The following MAGT1 variants were observed in gnomAD, a reference collection of about 807,000 sequenced individuals.
MAGT1 encodes dolichyl-diphosphooligosaccharide--protein glycosyltransferase subunit MAGT1.
Under a neutral mutation model 28.4 loss-of-function variants are expected in MAGT1, and 4 were observed. The ratio of observed to expected loss-of-function variants is 0.14; its 90% CI spans 0.07 to 0.32. The LOEUF is 0.32. Among genes scored for constraint, MAGT1 ranks in the 10% least tolerant of loss-of-function variants. MAGT1 has a pLI of 1.00. For synonymous variants in MAGT1, 89 were observed against 89.7 expected (o/e 0.99, Z 0.04); for missense variants, 193 against 264.5 (o/e 0.73, Z 1.88).
intron 1 of MAGT1, among the ~76,000 whole-genome samples, chrX:77,877,060 T>C (rs1293787049): frequency 1.5e-4 from 14 of 94,953 alleles, no homozygotes; most frequent in Non-Finnish European, 2.8e-4. Context: ...AAATAGATCA[T>C]ATACTTAACT....
rs781825261 is a variant in MAGT1, at chrX:77,826,424, T to G, written c.*2796A>C. 1 of 112,565 alleles carries G rather than the reference T, an allele frequency of 8.9e-6. No individual in the cohort carries two copies. Among genetic ancestry groups the G allele is most frequent in the African/African-American group, 3.2e-5 (1 of 31,018 alleles). 9.3% of individuals were successfully genotyped at this position (112,565 alleles called of 1,213,427 possible). A position where few individuals can be genotyped will look rare whatever the true frequency, so the allele number is the denominator to read the frequency against. ...GCAAACAGCCAGACATTTGGTTATCTTTGCCACTACAATGTGTCATTCTGA... is the reference window on the plus strand; with the variant it reads ...GCAAACAGCCAGACATTTGGTTATCGTTGCCACTACAATGTGTCATTCTGA... On this transcript the variant is annotated 3_prime_UTR_variant, in exon 10 of 10. Coordinates refer to ENST00000618282, the MANE Select transcript of MAGT1 (RefSeq NM_001367916.1).
chrX:77,861,520 C>T (rs1557216475), intron 3 of MAGT1, among the ~76,000 whole-genome samples: 1 of 111,803 alleles, frequency 8.9e-6, no homozygotes. Flanking sequence ...AATAGAATTA[C>T]CATATGATCT....
intron 3 of MAGT1, among the ~76,000 whole-genome samples, chrX:77,864,445 A>G (rs1287204021): frequency 1.8e-5 from 2 of 111,593 alleles, no homozygotes; most frequent in Admixed American, 1.9e-4. Context: ...TGTTCCCAAC[A>G]TATAGAAATG....
At position 77,827,062 on chromosome X, in the gene MAGT1, T is replaced by C. The variant is rs191895528; in HGVS notation, c.*2158A>G. ...GGCAGGTGGCAGTCATAGTATCTTT[T>C]TAATGTAATACTTGTAAGATTTCCT... On this transcript the variant is annotated 3_prime_UTR_variant, in exon 10 of 10. Coordinates refer to ENST00000618282, the MANE Select transcript of MAGT1 (RefSeq NM_001367916.1). 3.6e-5 allele frequency: 4 copies of C among 112,414 alleles called. No homozygotes were observed. In the East Asian group the frequency reaches 1.1e-3, roughly 31 times the overall value. 9.3% of individuals were successfully genotyped at this position (112,414 alleles called of 1,213,427 possible).
intron 7 of MAGT1, among the ~76,000 whole-genome samples, chrX:77,852,120 C>T (rs2076970173): frequency 9.0e-6 from 1 of 110,917 alleles, no homozygotes; most frequent in South Asian, 3.8e-4. Flanking sequence ...CCAGGCTGGT[C>T]TCGAACTCCT....
At chrX:77,830,730 T>C in intron 9 of MAGT1, 75 bp downstream of exon 9, 1 of 492,432 alleles carries the variant, frequency 2.0e-6, no homozygotes, top group Non-Finnish European at 3.3e-6. Context: ...AAAAGAAGGA[T>C]ATTATAAAGC....
At chrX:77,883,044 TTTATA>T (rs1393962752) in intron 1 of MAGT1, among the ~76,000 whole-genome samples, 3 of 100,944 alleles carry the variant, frequency 3.0e-5, no homozygotes, top group Non-Finnish European at 5.9e-5. Context: ...TTATATATAA[TTTATA>T]TTATATTAAT....
chrX:77,890,048 G>A (rs986638006), intron 1 of MAGT1, among the ~76,000 whole-genome samples: 35 of 111,743 alleles, frequency 3.1e-4, no homozygotes, highest in African/African-American at 1.0e-3. Context: ...TTCTGTGCTC[G>A]GCTTATTTCA....
chrX:77,886,855 T>C (rs1557219056), intron 1 of MAGT1, among the ~76,000 whole-genome samples: 1 of 111,458 alleles, frequency 9.0e-6, no homozygotes, highest in Non-Finnish European at 1.9e-5. Context: ...TAAATTTCTA[T>C]GGACAGCAAA....
Position 77,875,635 on chromosome X carries a change from A to C in MAGT1, c.103-38T>G, listed in dbSNP as rs782693022. On this transcript the variant is annotated intron_variant, in intron 1 of 9. Transcript: ENST00000618282. ...AAGTGAGCATGCTATTAATATACTC[A>C]ACTTGGCATTTAAAGTTCTTTTAAT... The C allele has an allele frequency of 4.9e-5, 57 of 1,155,040 alleles. 1 individual carries two copies. Among genetic ancestry groups the C allele is most frequent in the Admixed American group, 4.6e-4 (21 of 45,222 alleles).
intron 3 of MAGT1, 36 bp downstream of exon 3, chrX:77,870,772 C>T (rs1345189451): frequency 3.2e-6 from 3 of 931,303 alleles, no homozygotes; most frequent in Non-Finnish European, 4.7e-6. Context: ...TATATTTTAC[C>T]TATTTTTATA....
chrX:77,852,580 TAA>T (rs2076971446), intron 7 of MAGT1, among the ~76,000 whole-genome samples: 1 of 111,432 alleles, frequency 9.0e-6, no homozygotes, highest in South Asian at 3.8e-4. Context: ...AAAATATATT[TAA>T]GTTTCGTTTT....
chrX:77,881,602 T>C (rs1464261657), intron 1 of MAGT1, among the ~76,000 whole-genome samples: 1 of 110,796 alleles, frequency 9.0e-6, no homozygotes, highest in Non-Finnish European at 1.9e-5. Context: ...ACTCATCATT[T>C]TTTATGGCTG....
At chrX:77,850,748 A>G (rs2076965262) in intron 7 of MAGT1, among the ~76,000 whole-genome samples, 1 of 111,024 alleles carries the variant, frequency 9.0e-6, no homozygotes, top group African/African-American at 3.3e-5. Flanking sequence ...GTAAAATGAC[A>G]ATTTTCTAAT....
At chrX:77,846,845 T>C (rs782608627) in intron 7 of MAGT1, among the ~76,000 whole-genome samples, 3 of 111,889 alleles carry the variant, frequency 2.7e-5, no homozygotes, top group Non-Finnish European at 5.6e-5. Flanking sequence ...CTGTCCCTAC[T>C]GGGGGATGCC....
At chrX:77,856,905 T>A (rs782271705) in intron 4 of MAGT1, 32 bp from the exon 5 acceptor site, 1 of 1,152,394 alleles carries the variant, frequency 8.7e-7, no homozygotes, top group Admixed American at 2.3e-5. Flanking sequence ...CATGTTAAAG[T>A]ATAAAATTTT....
At chrX:77,873,806 A>G (rs1569548176) in intron 2 of MAGT1, among the ~76,000 whole-genome samples, 1 of 111,447 alleles carries the variant, frequency 9.0e-6, no homozygotes, top group Non-Finnish European at 1.9e-5. Flanking sequence ...TTCAAAATCT[A>G]CAATACATTA....
intron 8 of MAGT1, among the ~76,000 whole-genome samples, chrX:77,835,439 G>A (rs1392259264): frequency 9.0e-6 from 1 of 111,354 alleles, no homozygotes; most frequent in Non-Finnish European, 1.9e-5. Flanking sequence ...AAATGCTGGC[G>A]AGGATGTGGA....
rs1295905946 is a variant in MAGT1, at chrX:77,828,141, A to C, written c.*1079T>G. 1 of 110,278 alleles carries C rather than the reference A, an allele frequency of 9.1e-6. No homozygotes were observed. The highest frequency in any genetic ancestry group is 1.9e-5 in the Non-Finnish European group (1 of 52,764). 9.1% of individuals were successfully genotyped at this position (110,278 alleles called of 1,213,427 possible). ...ATTATAGGCATGAGCCACCAAGCCC[A>C]GCTAATTTTCATATTTTTAGTAGAG... On this transcript the variant is annotated 3_prime_UTR_variant, in exon 10 of 10. Coordinates refer to ENST00000618282, the MANE Select transcript of MAGT1 (RefSeq NM_001367916.1).
Sources: allele counts gnomAD v4.1 joint callset (sites outside exome capture counted in the v4.1 genomes callset), GRCh38; gene constraint gnomAD v4.1.1; transcripts MANE v1.5; gene names NCBI Gene and HGNC (gene_info 2026-07-23, HGNC 2026-07-21).